Variants in IMMP1L observed in about 807,000 individuals in gnomAD.
The protein encoded by IMMP1L is mitochondrial inner membrane protease subunit 1.
In IMMP1L, 24 loss-of-function variants were observed where a neutral mutation model predicts 21.8. The observed-to-expected ratio is 1.10, with a 90% CI of 0.80 to 1.55. The LOEUF (loss-of-function observed/expected upper bound fraction) is 1.55, where lower values mean the gene tolerates loss of function less well. IMMP1L is among the 40% of genes most tolerant of loss of function. The pLI is 0.00. For missense variants in IMMP1L, 195 were observed against 200.7 expected (o/e 0.97, Z 0.17); for synonymous variants, 46 against 62.8 (o/e 0.73, Z 1.26).
At chr11:31,445,262 G>A (rs993567605) in intron 4 of IMMP1L, among the ~76,000 whole-genome samples, 4 of 152,150 alleles carry the variant, frequency 2.6e-5, no homozygotes, top group African/African-American at 4.8e-5. Context: ...GATGCATACT[G>A]TACACAGTAT....
At chr11:31,475,979 T>C (rs1954715757) in intron 1 of IMMP1L, among the ~76,000 whole-genome samples, 1 of 152,148 alleles carries the variant, frequency 6.6e-6, no homozygotes, top group Non-Finnish European at 1.5e-5. Flanking sequence ...CCAGACAAAT[T>C]CTGTTTTGAA....
chr11:31,465,638 C>A (rs1954309134), intron 1 of IMMP1L, among the ~76,000 whole-genome samples: 1 of 152,024 alleles, frequency 6.6e-6, no homozygotes, highest in South Asian at 2.1e-4. Context: ...AGAAATAAAT[C>A]CATGTATTTA....
chr11:31,482,442 T>C (rs947385522), intron 1 of IMMP1L, among the ~76,000 whole-genome samples: 2 of 151,974 alleles, frequency 1.3e-5, no homozygotes, highest in Admixed American at 1.3e-4. Context: ...AAGAAATAGT[T>C]GCAATACCCA....
intron 1 of IMMP1L, among the ~76,000 whole-genome samples, chr11:31,469,538 G>A (rs567744618): frequency 6.6e-6 from 1 of 152,298 alleles, no homozygotes; most frequent in Admixed American, 6.5e-5. Context: ...GAACTGGAAT[G>A]CAAGTTGGGA....
intron 1 of IMMP1L, among the ~76,000 whole-genome samples, chr11:31,476,821 G>GA: frequency 6.6e-6 from 1 of 151,966 alleles, no homozygotes; most frequent in Admixed American, 6.6e-5. Context: ...GATCGTGTTA[G>GA]AAAAAAATAT....
chr11:31,454,880 CAT>C (rs906810703), intron 4 of IMMP1L, among the ~76,000 whole-genome samples: 32 of 152,250 alleles, frequency 2.1e-4, no homozygotes, highest in African/African-American at 7.0e-4. Flanking sequence ...CAAGTACACA[CAT>C]GATGCTAAAG....
chr11:31,433,508 G>C lies in IMMP1L; in HGVS notation c.384C>G (p.Cys128Trp). The C allele has an allele frequency of 6.2e-7, 1 of 1,611,474 alleles. No homozygotes were observed. Residue 128 changes from cysteine to tryptophan, a missense_variant, in exon 5 of 6, where the codon TGC becomes TGG. By Grantham distance (215) the Cys-to-Trp change is radical. Transcript: ENST00000532287. Reference sequence around the variant, plus strand: ...TTAGTCCATATGGAATAGGTCCATAGCACCTGGAATCTGTAGAATTCTGTA... The same window carrying C: ...TTAGTCCATATGGAATAGGTCCATACCACCTGGAATCTGTAGAATTCTGTA... ...DNLQNSTDSRCYGPIPYGLIR... is the reference protein window; with the variant it reads ...DNLQNSTDSRWYGPIPYGLIR...
chr11:31,454,612 AT>A (rs1953879992), intron 4 of IMMP1L, among the ~76,000 whole-genome samples: 4 of 152,118 alleles, frequency 2.6e-5, no homozygotes, highest in Admixed American at 2.6e-4. Context: ...CCCATAAATA[AT>A]GTACAATTAT....
chr11:31,435,694 G>C (rs1035471589), intron 4 of IMMP1L, among the ~76,000 whole-genome samples: 1 of 152,056 alleles, frequency 6.6e-6, no homozygotes, highest in African/African-American at 2.4e-5. Context: ...TTGGCTACTG[G>C]ATTGATCTCC....
intron 4 of IMMP1L, among the ~76,000 whole-genome samples, chr11:31,444,103 T>C (rs1397144012): frequency 1.3e-5 from 2 of 152,142 alleles, no homozygotes; most frequent in Non-Finnish European, 2.9e-5. Context: ...CAGTCACACA[T>C]AGTCCTGAGG....
intron 4 of IMMP1L, among the ~76,000 whole-genome samples, chr11:31,441,940 G>C (rs1953344665): frequency 6.6e-6 from 1 of 152,114 alleles, no homozygotes; most frequent in Non-Finnish European, 1.5e-5. Context: ...AAACTTTTAA[G>C]TTGGATTAAT....
chr11:31,470,097 A>G (rs1432003560), intron 1 of IMMP1L, among the ~76,000 whole-genome samples: 1 of 152,196 alleles, frequency 6.6e-6, no homozygotes, highest in Non-Finnish European at 1.5e-5. Flanking sequence ...ATAATTCAGG[A>G]AAAACAAAAT....
At chr11:31,453,663 A>C (rs1293067630) in intron 4 of IMMP1L, among the ~76,000 whole-genome samples, 2 of 152,220 alleles carry the variant, frequency 1.3e-5, no homozygotes, top group African/African-American at 4.8e-5. Flanking sequence ...CACATTTGCT[A>C]AAGCGGTTCT....
intron 2 of IMMP1L, among the ~76,000 whole-genome samples, chr11:31,462,891 A>G (rs894908197): frequency 6.6e-6 from 1 of 152,200 alleles, no homozygotes; most frequent in African/African-American, 2.4e-5. Flanking sequence ...GATTCAATAA[A>G]TGGTAATGAC....
In IMMP1L at chr11:31,463,281, C is replaced by G. The variant is rs200769250; in HGVS notation, c.-5G>C. The G allele has an allele frequency of 5.8e-5, 93 of 1,602,676 alleles. No homozygotes were observed. The highest frequency in any genetic ancestry group is 2.8e-4 in the Admixed American group (16 of 57,366). Reference sequence around the variant, plus strand: ...CCCCAGAACACCACGAAGCATAGTTCTATGTAGACTCTGCCACCATTGGCC... The same window carrying G: ...CCCCAGAACACCACGAAGCATAGTTGTATGTAGACTCTGCCACCATTGGCC... On this transcript the variant is annotated 5_prime_UTR_variant, in exon 2 of 6. An upstream open reading frame in the 5' UTR loses its in-frame stop. Coordinates refer to ENST00000532287, the MANE Select transcript of IMMP1L (RefSeq NM_001304274.2).
chr11:31,501,450 A>G (rs1230460820), intron 1 of IMMP1L, among the ~76,000 whole-genome samples: 4 of 152,140 alleles, frequency 2.6e-5, no homozygotes, highest in Non-Finnish European at 5.9e-5. Context: ...CCACTCCACT[A>G]TGTGATAACA....
At chr11:31,462,316 C>CAAA (rs777053056) in intron 2 of IMMP1L, among the ~76,000 whole-genome samples, 2 of 72,024 alleles carry the variant, frequency 2.8e-5, no homozygotes, top group Non-Finnish European at 2.5e-5. Context: ...ACCCTGTCTC[C>CAAA]AAAAAAAAAA....
At chr11:31,455,458 T>C (rs1187338109) in intron 4 of IMMP1L, among the ~76,000 whole-genome samples, 1 of 152,212 alleles carries the variant, frequency 6.6e-6, no homozygotes, top group Non-Finnish European at 1.5e-5. Context: ...ACACATTCTA[T>C]CTACTCTTCA....
At chr11:31,460,754 CTT>C (rs1417043011) in intron 2 of IMMP1L, 40 bp from the exon 3 acceptor site, 3 of 1,277,006 alleles carry the variant, frequency 2.3e-6, no homozygotes, top group Non-Finnish European at 3.4e-6. Context: ...TTCAAAATCT[CTT>C]TTAAATTTAA....
Sources: gnomAD v4.1 joint callset for allele counts (sites outside exome capture counted in the v4.1 genomes callset) on GRCh38, gnomAD v4.1.1 for gene constraint, MANE v1.5 for transcripts, NCBI Gene and HGNC (gene_info 2026-07-23, HGNC 2026-07-21) for gene names.